TBPL1: variants seen among roughly 807,000 people sequenced by gnomAD.
TBPL1 encodes TATA box-binding protein-like 1.
TBPL1 carries 4 observed loss-of-function variants against 22.1 expected under a neutral mutation model. The observed-to-expected ratio is 0.18, with a 90% CI of 0.09 to 0.41. TBPL1 has a LOEUF of 0.41. Ranked by LOEUF, TBPL1 falls within the 10% of genes least tolerant of loss-of-function variation. The pLI, the probability that TBPL1 is intolerant of heterozygous loss-of-function variation, is 1.00. For synonymous variants in TBPL1, 64 were observed against 71.0 expected, an observed-to-expected ratio of 0.90 and a Z score of 0.50; for missense variants, 115 against 222.3, an observed-to-expected ratio of 0.52 and a Z score of 3.07.
chr6:133,982,687 C>T (rs1436963295), intron 3 of TBPL1, 37 bp downstream of exon 3: 1 of 1,598,456 alleles, frequency 6.3e-7, no homozygotes, highest in Non-Finnish European at 8.5e-7. Flanking sequence ...TTATTTTTTA[C>T]TTTTTCCCTC....
At chr6:133,980,040 C>T (rs1190976989) in intron 1 of TBPL1, 42 bp from the exon 2 acceptor site, 1 of 1,304,704 alleles carries the variant, frequency 7.7e-7, no homozygotes, top group African/African-American at 1.5e-5. Flanking sequence ...AGTGAATTAA[C>T]AACATTTAAG....
At chr6:133,980,329 T>G in intron 2 of TBPL1, 69 bp downstream of exon 2, 1 of 1,466,394 alleles carries the variant, frequency 6.8e-7, no homozygotes. Flanking sequence ...AATACTAAAA[T>G]GTATTCATTC....
At chr6:133,977,863 C>G (rs1479456896) in intron 1 of TBPL1, among the ~76,000 whole-genome samples, 3 of 152,176 alleles carry the variant, frequency 2.0e-5, no homozygotes, top group Non-Finnish European at 4.4e-5. Flanking sequence ...AGCTCTAGCT[C>G]TCATATCCAA....
chr6:133,967,882 C>T (rs1189136705), intron 1 of TBPL1, among the ~76,000 whole-genome samples: 1 of 152,140 alleles, frequency 6.6e-6, no homozygotes, highest in Non-Finnish European at 1.5e-5. Context: ...CTAGGTAAGA[C>T]AGCATGTGCG....
rs1427377600 is a variant in TBPL1, at chr6:133,982,629, T to C, written c.197T>C (p.Ile66Thr). Residue 66 changes from isoleucine to threonine, a missense_variant, in exon 3 of 7, where the codon ATT (isoleucine) becomes ACT (threonine). By Grantham distance (89) the Ile-to-Thr change is moderately conservative (BLOSUM62 -1). Coordinates refer to ENST00000237264, the MANE Select transcript of TBPL1 (RefSeq NM_004865.4). The part of the protein sequence containing the change: ...ITATIWSSGK[I>T]ICTGATSEEE... ...GCTACAATTTGGTCCTCAGGAAAAA[T>C]TATTTGCACTGGAGCAACAAGGTAA... The C allele has an allele frequency of 6.2e-7, 1 of 1,613,484 alleles. No individual in the cohort carries two copies. Among genetic ancestry groups the C allele is most frequent in the Non-Finnish European group, 8.5e-7 (1 of 1,179,790 alleles).
intron 1 of TBPL1, among the ~76,000 whole-genome samples, chr6:133,978,984 T>C (rs1776362468): frequency 6.6e-6 from 1 of 152,202 alleles, no homozygotes; most frequent in Non-Finnish European, 1.5e-5. Context: ...AGTGTGAAAA[T>C]GCAAAGAGAG....
At chr6:133,980,788 G>C (rs955473147) in intron 2 of TBPL1, among the ~76,000 whole-genome samples, 7 of 151,444 alleles carry the variant, frequency 4.6e-5, no homozygotes, top group Non-Finnish European at 8.8e-5. Flanking sequence ...TAAAACCTTA[G>C]TGTTTTGAGA....
intron 1 of TBPL1, among the ~76,000 whole-genome samples, chr6:133,955,379 T>C (rs899304441): frequency 3.3e-5 from 5 of 151,966 alleles, no homozygotes; most frequent in African/African-American, 4.8e-5. Flanking sequence ...CTGTCTTTTC[T>C]TAATCATGTC....
At chr6:133,968,426 G>C (rs1776160441) in intron 1 of TBPL1, among the ~76,000 whole-genome samples, 1 of 152,148 alleles carries the variant, frequency 6.6e-6, no homozygotes, top group Admixed American at 6.5e-5. Flanking sequence ...TAAGGTTGTA[G>C]TCAGTAAAAT....
chr6:133,972,090 CAA>C (rs1424349335), intron 1 of TBPL1, among the ~76,000 whole-genome samples: 1 of 152,230 alleles, frequency 6.6e-6, no homozygotes, highest in Non-Finnish European at 1.5e-5. Context: ...TTCCAGACAT[CAA>C]GAGTCATCTG....
rs200249148 is a variant in TBPL1, at chr6:133,987,648, G to GTGTGTATATATATATATATATATATA, written c.*609_*610insGTGTATATATATATATATATATATAT. On this transcript the variant is annotated 3_prime_UTR_variant, in exon 7 of 7. Transcript: ENST00000237264. ...TTTGTGTGTGTGTGTGTGTGTGTGTGTATATATATATATATATATGCACCA... is the reference window on the plus strand; with the variant it reads ...TTTGTGTGTGTGTGTGTGTGTGTGTGTGTGTATATATATATATATATATATATATATATATATATATATATGCACCA... 5.0e-4 allele frequency: 44 copies of GTGTGTATATATATATATATATATATA among 88,350 alleles called. No individual in the cohort carries two copies. The highest frequency in any genetic ancestry group is 1.5e-3 in the African/African-American group (41 of 27,534). 5.5% of individuals were successfully genotyped at this position (88,350 alleles called of 1,614,324 possible).
chr6:133,987,642 GT>G lies in TBPL1; in HGVS notation c.*603del, dbSNP rs1562670240. On this transcript the variant is annotated 3_prime_UTR_variant, in exon 7 of 7. Coordinates refer to ENST00000237264, the MANE Select transcript of TBPL1 (RefSeq NM_004865.4). Reference sequence around the variant, plus strand: ...GTGTATTTTGTGTGTGTGTGTGTGTGTGTGTGTATATATATATATATATATG... The same window carrying G: ...GTGTATTTTGTGTGTGTGTGTGTGTGGTGTGTATATATATATATATATATG... 1 of 130,442 alleles carries G rather than the reference GT, an allele frequency of 7.7e-6. No homozygotes were observed. The highest frequency in any genetic ancestry group is 1.7e-5 in the Non-Finnish European group (1 of 60,216). 8.1% of individuals were successfully genotyped at this position (130,442 alleles called of 1,614,324 possible).
intron 4 of TBPL1, among the ~76,000 whole-genome samples, chr6:133,983,756 G>A (rs186173581): frequency 1.3e-5 from 2 of 152,314 alleles, no homozygotes; most frequent in East Asian, 3.9e-4. Context: ...GAAGATGTTG[G>A]TTGGAGTGGC....
At chr6:133,970,615 T>C (rs1776202354) in intron 1 of TBPL1, among the ~76,000 whole-genome samples, 1 of 141,706 alleles carries the variant, frequency 7.1e-6, no homozygotes, top group African/African-American at 2.7e-5. Context: ...TTGTTTTTGC[T>C]TTTTTTTTTT....
Position 133,989,494 on chromosome 6 carries a change from A to G in TBPL1, c.*2454A>G, listed in dbSNP as rs952858258. On this transcript the variant is annotated 3_prime_UTR_variant, in exon 7 of 7. Coordinates refer to ENST00000237264, the MANE Select transcript of TBPL1 (RefSeq NM_004865.4). Reference sequence around the variant, plus strand: ...AGTATATATAGAGTTTGAACTATAAACACGGAAGGAAACATGGGGCAGAAC... The same window carrying G: ...AGTATATATAGAGTTTGAACTATAAGCACGGAAGGAAACATGGGGCAGAAC... 4 of 152,212 alleles carry G rather than the reference A, an allele frequency of 2.6e-5. No individual in the cohort carries two copies. The highest frequency in any genetic ancestry group is 2.6e-4 in the Admixed American group (4 of 15,284). The allele number at this position is 152,212 out of a possible 1,614,324, so 9.4% of individuals were successfully genotyped here.
chr6:133,957,835 T>C (rs1775953728), intron 1 of TBPL1, among the ~76,000 whole-genome samples: 1 of 152,230 alleles, frequency 6.6e-6, no homozygotes, highest in Non-Finnish European at 1.5e-5. Context: ...CTTAGAACTT[T>C]AGTTAAAAGC....
Position 133,974,419 on chromosome 6 carries a change from C to T in TBPL1, c.-44-5663C>T, listed in dbSNP as rs183561283. Among the ~76,000 whole-genome samples, 244 of 152,266 alleles carry T rather than the reference C, an allele frequency of 1.6e-3. 1 individual carries two copies. The highest frequency in any genetic ancestry group is 5.5e-3 in the African/African-American group (230 of 41,554). On this transcript the variant is annotated intron_variant, in intron 1 of 6. Transcript: ENST00000237264. Reference sequence around the variant, plus strand: ...CGCGATCTCAGCTCACTGCAACCTCCGCCTCCTGGGTTCAAGCAATTCTCC... The same window carrying T: ...CGCGATCTCAGCTCACTGCAACCTCTGCCTCCTGGGTTCAAGCAATTCTCC...
intron 1 of TBPL1, among the ~76,000 whole-genome samples, chr6:133,955,562 T>C (rs1222394214): frequency 2.0e-5 from 3 of 152,196 alleles, no homozygotes; most frequent in Admixed American, 1.3e-4. Context: ...TGTTCTGTAT[T>C]CATTCTGAGT....
At chr6:133,973,382 A>C (rs1189220827) in intron 1 of TBPL1, among the ~76,000 whole-genome samples, 1 of 152,166 alleles carries the variant, frequency 6.6e-6, no homozygotes, top group East Asian at 1.9e-4. Context: ...AGTATACTTT[A>C]AGTAGCTAGA....
Sources: allele counts gnomAD v4.1 joint callset (sites outside exome capture counted in the v4.1 genomes callset), GRCh38; gene constraint gnomAD v4.1.1; transcripts MANE v1.5; gene names NCBI Gene and HGNC (gene_info 2026-07-23, HGNC 2026-07-21).